The following ZNF202 variants were observed in gnomAD, a reference collection of about 807,000 sequenced individuals.
ZNF202 encodes zinc finger protein with KRAB and SCAN domains 10.
A neutral mutation model predicts 54.5 loss-of-function variants in ZNF202; 22 were observed. That is an observed-to-expected ratio of 0.40 (90% CI 0.29 to 0.58). ZNF202 has a LOEUF of 0.58. ZNF202 is among the 20% of genes least tolerant of loss of function. The pLI, the probability that ZNF202 is intolerant of heterozygous loss-of-function variation, is 0.39. For synonymous variants in ZNF202, 294 were observed against 301.4 expected (o/e 0.98, Z 0.26); for missense variants, 644 against 805.5 (o/e 0.80, Z 2.43).
At position 123,728,226 on chromosome 11, in the gene ZNF202, A is replaced by G; in HGVS notation, c.739T>C (p.Ser247Pro). ...TCCAGATCACTCCACTGGTCCTGGG[A>G]AAAGCATACGGCCACATCCTTGAAC... ...VTFKDVAVCF[S>P]QDQWSDLDPT... is the part of the protein sequence containing the mutation. Residue 247 changes from serine to proline, a missense_variant, in exon 7 of 9, where the codon TCC (serine) becomes CCC (proline). Physicochemically the swap from Ser to Pro is moderately conservative, Grantham distance 74. Coordinates refer to ENST00000530393, the MANE Select transcript of ZNF202 (RefSeq NM_003455.4). 1 of 1,612,276 alleles carries G rather than the reference A, an allele frequency of 6.2e-7. No individual in the cohort carries two copies. The highest frequency in any genetic ancestry group is 8.5e-7 in the Non-Finnish European group (1 of 1,178,912).
Position 123,726,267 on chromosome 11 carries a change from G to A in ZNF202, c.1677C>T (p.His559=), listed in dbSNP as rs774625759. The A allele has an allele frequency of 5.0e-6, 8 of 1,614,218 alleles. No homozygotes were observed. Among genetic ancestry groups the A allele is most frequent in the South Asian group, 2.2e-5 (2 of 91,088 alleles). The change falls in exon 9 of 9, where the codon CAC becomes CAT. Residue 559 remains histidine, a synonymous_variant. Coordinates refer to ENST00000530393, the MANE Select transcript of ZNF202 (RefSeq NM_003455.4). This position sits in a 1 kb window ranked among gnomAD's most constrained non-coding sequence, Gnocchi z 6.0. The part of the protein sequence containing the change: ...HRRYLAHRKT[H]AAEELYLCSE... ...TGCAGAGGTAGAGTTCCTCAGCAGC[G>A]TGCGTCTTCCGGTGCGCCAGGTACC...
At position 123,730,728 on chromosome 11, in the gene ZNF202, T is replaced by A. The variant is rs1203068240; in HGVS notation, c.161A>T (p.Tyr54Phe). The change falls in exon 4 of 9, where the codon TAC becomes TTC. Residue 54 changes from tyrosine to phenylalanine, a missense_variant. By Grantham distance (22) the Tyr-to-Phe change is conservative (BLOSUM62 3). Transcript: ENST00000530393. The surrounding 1 kb of genome is among the most constrained non-coding windows in gnomAD (Gnocchi z 6.0). ...TSHQNFRRFR[Y>F]QEAASPREAL... Reference sequence around the variant, plus strand: ...TTCTCTAGGGCTTGCTGCCTCCTGGTAGCGGAAGCGTCGGAAGTTCTGGTG... The same window carrying A: ...TTCTCTAGGGCTTGCTGCCTCCTGGAAGCGGAAGCGTCGGAAGTTCTGGTG... 6.2e-7 allele frequency: 1 copy of A among 1,614,226 alleles called. No homozygotes were observed. Among genetic ancestry groups the A allele is most frequent in the Non-Finnish European group, 8.5e-7 (1 of 1,180,038 alleles).
At chr11:123,727,414 G>T in intron 8 of ZNF202, 62 bp downstream of exon 8, 1 of 1,604,330 alleles carries the variant, frequency 6.2e-7, no homozygotes, top group East Asian at 2.2e-5. Flanking sequence ...CAGAGAGAGA[G>T]AAGCACTGCC....
chr11:123,733,506 C>A (rs965380396), intron 3 of ZNF202, among the ~76,000 whole-genome samples: 1 of 152,084 alleles, frequency 6.6e-6, no homozygotes, highest in African/African-American at 2.4e-5. Flanking sequence ...TAAATGTGAG[C>A]CCCTTGAATG....
chr11:123,730,709 AG>A lies in ZNF202; in HGVS notation c.179del (p.Pro60LeufsTer16). Reference sequence around the variant, plus strand: ...CTCGGAGTCTGATGAGAGCTTCTCTAGGGCTTGCTGCCTCCTGGTAGCGGAA... The same window carrying A: ...CTCGGAGTCTGATGAGAGCTTCTCTAGGCTTGCTGCCTCCTGGTAGCGGAA... Reference protein sequence around the residue: ...RRFRYQEAASPREALIRLREL... With the variant: ...RRFRYQEAASXREALIRLREL... On this transcript the variant is annotated frameshift_variant, in exon 4 of 9. Coordinates refer to ENST00000530393, the MANE Select transcript of ZNF202 (RefSeq NM_003455.4). LOFTEE classifies it high-confidence loss of function. This position sits in a 1 kb window ranked among gnomAD's most constrained non-coding sequence, Gnocchi z 6.0. 1.2e-6 allele frequency: 2 copies of A among 1,614,202 alleles called. No homozygotes were observed. Among genetic ancestry groups the A allele is most frequent in the Non-Finnish European group, 1.7e-6 (2 of 1,180,032 alleles).
rs898419251 is a variant in ZNF202, at chr11:123,725,819, G to A, written c.*178C>T. 2 of 700,524 alleles carry A rather than the reference G, an allele frequency of 2.9e-6. No homozygotes were observed. Among genetic ancestry groups the A allele is most frequent in the African/African-American group, 3.6e-5 (2 of 55,682 alleles). 43.4% of individuals were successfully genotyped at this position (700,524 alleles called of 1,614,324 possible). A position where few individuals can be genotyped will look rare whatever the true frequency, so the allele number is the denominator to read the frequency against. ...TGAAACATCCCCTCAAGGCGTAGAG[G>A]AAGGCTGAGAGGTTCTGCCCAGGCT... is the stretch of plus-strand genomic sequence containing the variant. On this transcript the variant is annotated 3_prime_UTR_variant, in exon 9 of 9. Transcript: ENST00000530393.
chr11:123,737,172 A>C (rs1167497610), intron 3 of ZNF202, among the ~76,000 whole-genome samples: 1 of 152,120 alleles, frequency 6.6e-6, no homozygotes, highest in Non-Finnish European at 1.5e-5. Context: ...CAATGCTTCT[A>C]ATTACCAATA....
intron 8 of ZNF202, among the ~76,000 whole-genome samples, 168 bp from the exon 9 acceptor site, chr11:123,727,159 C>A (rs970512327): frequency 6.6e-6 from 1 of 152,214 alleles, no homozygotes; most frequent in Non-Finnish European, 1.5e-5. Flanking sequence ...CCTTGGTATG[C>A]ACAAATATAA....
rs1306259962 is a variant in ZNF202, at chr11:123,725,575, A to T, written c.*422T>A. Reference sequence around the variant, plus strand: ...TAAGATTTGACCCCAGTAAAGACAGAATCCTTCAGGCTCGTCCCTTCCCAA... The same window carrying T: ...TAAGATTTGACCCCAGTAAAGACAGTATCCTTCAGGCTCGTCCCTTCCCAA... On this transcript the variant is annotated 3_prime_UTR_variant, in exon 9 of 9. Coordinates refer to ENST00000530393, the MANE Select transcript of ZNF202 (RefSeq NM_003455.4). 6.0e-6 allele frequency: 1 copy of T among 165,582 alleles called. No homozygotes were observed. The highest frequency in any genetic ancestry group is 1.3e-5 in the Non-Finnish European group (1 of 75,288). The allele number at this position is 165,582 out of a possible 1,614,324, so 10.3% of individuals were successfully genotyped here.
At chr11:123,729,913 G>C (rs1453582902) in intron 4 of ZNF202, 88 bp from the exon 5 acceptor site, 2 of 1,350,092 alleles carry the variant, frequency 1.5e-6, no homozygotes, top group African/African-American at 1.5e-5. Context: ...AAGATGCCTA[G>C]AGAAAACACT....
chr11:123,732,043 C>T (rs1861429303), intron 3 of ZNF202, among the ~76,000 whole-genome samples: 1 of 152,166 alleles, frequency 6.6e-6, no homozygotes, highest in African/African-American at 2.4e-5. Flanking sequence ...AAGGTTGTTC[C>T]TTCTGCACAG....
At position 123,730,894 on chromosome 11, in the gene ZNF202, G is replaced by C. The variant is rs1350415250; in HGVS notation, c.-6C>G. On this transcript the variant is annotated 5_prime_UTR_variant, in exon 4 of 9. Coordinates refer to ENST00000530393, the MANE Select transcript of ZNF202 (RefSeq NM_003455.4). The surrounding 1 kb of genome is among the most constrained non-coding windows in gnomAD (Gnocchi z 6.0). Reference sequence around the variant, plus strand: ...GGTTCCACGGCTGTAGCCATTTCTTGGCTTTGGGGTGGTCTCACACCATCT... The same window carrying C: ...GGTTCCACGGCTGTAGCCATTTCTTCGCTTTGGGGTGGTCTCACACCATCT... 1.2e-6 allele frequency: 2 copies of C among 1,609,306 alleles called. No individual in the cohort carries two copies. Among genetic ancestry groups the C allele is most frequent in the East Asian group, 2.2e-5 (1 of 44,836 alleles).
At chr11:123,733,212 A>G (rs1005404732) in intron 3 of ZNF202, among the ~76,000 whole-genome samples, 1 of 152,080 alleles carries the variant, frequency 6.6e-6, no homozygotes, top group Non-Finnish European at 1.5e-5. Flanking sequence ...TGTCTCATCT[A>G]TTGTTGCCCA....
chr11:123,735,809 G>A (rs1861611807), intron 3 of ZNF202, among the ~76,000 whole-genome samples: 1 of 152,192 alleles, frequency 6.6e-6, no homozygotes, highest in African/African-American at 2.4e-5. Context: ...CAGATGTTGT[G>A]TTTTTATTCT....
Position 123,726,196 on chromosome 11 carries a change from T to C in ZNF202, c.1748A>G (p.His583Arg), listed in dbSNP as rs1401199765. The change falls in exon 9 of 9, where the codon CAC (histidine) becomes CGC (arginine). Residue 583 changes from histidine to arginine, a missense_variant. Coordinates refer to ENST00000530393, the MANE Select transcript of ZNF202 (RefSeq NM_003455.4). This position sits in a 1 kb window ranked among gnomAD's most constrained non-coding sequence, Gnocchi z 6.0. ...CCTCACTGAGGCGTGTCCTCTCAAG[T>C]GCTTGGCGAACGCTGCGCTGTGGGT... ...CFTHSAAFAK[H>R]LRGHASVRPC... The C allele has an allele frequency of 1.2e-6, 2 of 1,614,098 alleles. No homozygotes were observed. Among genetic ancestry groups the C allele is most frequent in the South Asian group, 1.1e-5 (1 of 91,092 alleles).
At chr11:123,739,094 AGTTT>A (rs1225315186) in intron 3 of ZNF202, among the ~76,000 whole-genome samples, 73 of 152,210 alleles carry the variant, frequency 4.8e-4, no homozygotes, top group African/African-American at 1.7e-3. Flanking sequence ...ACGCACATTG[AGTTT>A]AAGCTTTCTA....
Position 123,730,894 on chromosome 11 carries a change from G to T in ZNF202, c.-6C>A. ...GGTTCCACGGCTGTAGCCATTTCTTGGCTTTGGGGTGGTCTCACACCATCT... is the reference window on the plus strand; with the variant it reads ...GGTTCCACGGCTGTAGCCATTTCTTTGCTTTGGGGTGGTCTCACACCATCT... On this transcript the variant is annotated 5_prime_UTR_variant, in exon 4 of 9. Coordinates refer to ENST00000530393, the MANE Select transcript of ZNF202 (RefSeq NM_003455.4). This position sits in a 1 kb window ranked among gnomAD's most constrained non-coding sequence, Gnocchi z 6.0. The T allele has an allele frequency of 1.2e-6, 2 of 1,609,424 alleles. No homozygotes were observed. Among genetic ancestry groups the T allele is most frequent in the Non-Finnish European group, 1.7e-6 (2 of 1,177,154 alleles).
At position 123,730,995 on chromosome 11, in the gene ZNF202, G is replaced by C. The variant is rs984575558; in HGVS notation, c.-97-10C>G. The C allele has an allele frequency of 1.5e-6, 2 of 1,336,152 alleles. No homozygotes were observed. The highest frequency in any genetic ancestry group is 2.0e-6 in the Non-Finnish European group (2 of 981,380). 82.8% of individuals were successfully genotyped at this position (1,336,152 alleles called of 1,614,324 possible). ...TTTTCTTCCAAGGGCCCTGGATAGAGAAGTAAAGACAAACAAGAGTATAAG... is the reference window on the plus strand; with the variant it reads ...TTTTCTTCCAAGGGCCCTGGATAGACAAGTAAAGACAAACAAGAGTATAAG... On this transcript the variant is annotated splice_polypyrimidine_tract_variant and intron_variant, in intron 3 of 8. Coordinates refer to ENST00000530393, the MANE Select transcript of ZNF202 (RefSeq NM_003455.4). This position sits in a 1 kb window ranked among gnomAD's most constrained non-coding sequence, Gnocchi z 6.0.
Position 123,727,477 on chromosome 11 carries a change from T to G in ZNF202, c.951A>C (p.Thr317=). ...AACACCGTTTTTGTCATTCCTCACCTGTGTAGGTAAAACTCAGGATTTCTG... is the reference window on the plus strand; with the variant it reads ...AACACCGTTTTTGTCATTCCTCACCGGTGTAGGTAAAACTCAGGATTTCTG... ...QEPEILSFTY[T]GDRSKDEEEC... The change falls in exon 8 of 9, where the codon ACA becomes ACC. Residue 317 remains threonine, a splice_region_variant and synonymous_variant. Transcript: ENST00000530393. 1 of 1,613,910 alleles carries G rather than the reference T, an allele frequency of 6.2e-7. No homozygotes were observed. The highest frequency in any genetic ancestry group is 1.1e-5 in the South Asian group (1 of 91,072).
Sources: gnomAD v4.1 joint callset for allele counts (sites outside exome capture counted in the v4.1 genomes callset) on GRCh38, gnomAD v4.1.1 for gene constraint, Gnocchi (gnomAD v3.1) non-coding constraint, MANE v1.5 for transcripts, NCBI Gene and HGNC (gene_info 2026-07-23, HGNC 2026-07-21) for gene names.